The following DOP1B variants were observed in gnomAD, a reference collection of about 807,000 sequenced individuals.
DOP1B encodes the protein protein DOP1B.
In DOP1B, 174 loss-of-function variants were observed where a neutral mutation model predicts 233.5. That is an observed-to-expected ratio of 0.75 (90% CI 0.66 to 0.85). DOP1B has a LOEUF of 0.85. Among genes scored for constraint, DOP1B ranks in the 40% least tolerant of loss-of-function variants. The probability of loss-of-function intolerance (pLI) is 0.00; values close to 1 mark genes in which losing one functional copy is unlikely to be tolerated. For synonymous variants in DOP1B, 1,190 were observed against 1,185.6 expected (o/e 1.00, Z -0.08); for missense variants, 2,652 against 2,846.6 (o/e 0.93, Z 1.56).
intron 27 of DOP1B, among the ~76,000 whole-genome samples, chr21:36,274,962 AGCC>A (rs78516864): frequency 0.41 from 62,515 of 151,520 alleles, 12,947 homozygotes; most frequent in Middle Eastern, 0.5. Context: ...CTTCTGCCTC[AGCC>A]TCCCAAGTAG....
Position 36,231,038 on chromosome 21 carries a change from G to A in DOP1B, c.2254G>A (p.Ala752Thr), listed in dbSNP as rs768576763. ...SREERREAFA[A>T]ACHLLLDCAT... ...GGAGGAACGCAGGGAGGCCTTTGCC[G>A]CCGCCTGCCACCTGCTGCTGGATTG... Residue 752 changes from alanine to threonine, a missense_variant, in exon 14 of 37, where the codon GCC (alanine) becomes ACC (threonine). Physicochemically the swap from Ala to Thr is moderately conservative, Grantham distance 58. Around this residue, in one of 3 missense-constraint regions of DOP1B, gnomAD observed 2,617 missense variants for 2,794.3 expected, o/e 0.94. Transcript: ENST00000691173. 45 of 1,613,990 alleles carry A rather than the reference G, an allele frequency of 2.8e-5. No individual in the cohort carries two copies. Among genetic ancestry groups the A allele is most frequent in the South Asian group, 7.7e-5 (7 of 91,082 alleles).
At chr21:36,241,368 A>G (rs960258228) in intron 18 of DOP1B, among the ~76,000 whole-genome samples, 2 of 152,100 alleles carry the variant, frequency 1.3e-5, no homozygotes, top group Non-Finnish European at 2.9e-5. Context: ...TTATAAGCTA[A>G]CGCTGTTCGA....
chr21:36,240,409 G>A (rs1469801374), intron 18 of DOP1B, among the ~76,000 whole-genome samples: 1 of 152,188 alleles, frequency 6.6e-6, no homozygotes, highest in Non-Finnish European at 1.5e-5. Context: ...GAACCCGGGA[G>A]GTAGAGATTG....
Position 36,227,807 on chromosome 21 carries a change from G to C in DOP1B, c.1595G>C (p.Cys532Ser), listed in dbSNP as rs763223486. ...GAACTCACGCATGCCTTGAAGACGT[G>C]TTTCAAGGTGCTCAGCAAAGTCCAG... Reference protein sequence around the residue: ...LPELTHALKTCFKVLSKVQMP... With the variant: ...LPELTHALKTSFKVLSKVQMP... Residue 532 changes from cysteine to serine, a missense_variant, in exon 13 of 37, where the codon TGT becomes TCT. Physicochemically the swap from Cys to Ser is moderately radical, Grantham distance 112. This residue lies in a region of DOP1B where 2,617 missense variants were observed against 2,794.3 expected (regional missense o/e 0.94). Coordinates refer to ENST00000691173, the MANE Select transcript of DOP1B (RefSeq NM_001320714.2). 16 of 1,613,678 alleles carry C rather than the reference G, an allele frequency of 9.9e-6. No individual in the cohort carries two copies. The South Asian group carries it at 1.6e-4, about 17-fold the overall frequency.
rs188777016 is a variant in DOP1B, at chr21:36,241,887, G to A, written c.3067+1932G>A. On this transcript the variant is annotated intron_variant, in intron 18 of 36. Coordinates refer to ENST00000691173, the MANE Select transcript of DOP1B (RefSeq NM_001320714.2). The stretch of plus-strand genomic sequence containing the variant: ...GAAAAGCAACCCATTAGCTAAGTAA[G>A]CAGAGGTGTGTGAAATGGTTTCCTG... Among the ~76,000 whole-genome samples, 11 of 150,856 alleles carry A rather than the reference G, an allele frequency of 7.3e-5. No individual in the cohort carries two copies. The East Asian group carries it at 1.2e-3, about 16-fold the overall frequency.
At chr21:36,208,946 A>T (rs200949348) in intron 5 of DOP1B, 42 bp downstream of exon 5, 1 of 1,462,048 alleles carries the variant, frequency 6.8e-7, no homozygotes, top group Non-Finnish European at 9.0e-7. Flanking sequence ...AGGAGGCGAC[A>T]TGTGGGCACA....
At chr21:36,277,454 T>C (rs2067364770) in intron 28 of DOP1B, among the ~76,000 whole-genome samples, 1 of 151,430 alleles carries the variant, frequency 6.6e-6, no homozygotes, top group African/African-American at 2.4e-5. Flanking sequence ...AGCTAGTTTT[T>C]AGTATTTTAG....
chr21:36,163,448 A>C (rs757195683), intron 1 of DOP1B, among the ~76,000 whole-genome samples: 3 of 151,924 alleles, frequency 2.0e-5, no homozygotes, highest in Non-Finnish European at 2.9e-5. Flanking sequence ...TGAAATTTTT[A>C]TAACTGTACT....
At chr21:36,284,716 G>A (rs1300208379) in intron 32 of DOP1B, among the ~76,000 whole-genome samples, 5 of 151,956 alleles carry the variant, frequency 3.3e-5, no homozygotes, top group Admixed American at 1.3e-4. Context: ...TGGAGAATTT[G>A]ACCATGGTAG....
intron 13 of DOP1B, among the ~76,000 whole-genome samples, 180 bp from the exon 14 acceptor site, chr21:36,230,270 G>A (rs1222515283): frequency 1.3e-5 from 2 of 152,142 alleles, no homozygotes; most frequent in Non-Finnish European, 2.9e-5. Flanking sequence ...GCTACCCACC[G>A]CTCTCCTTCT....
chr21:36,210,272 CCTGAGGCAGGTGAATCA>C (rs1225252970), intron 5 of DOP1B, among the ~76,000 whole-genome samples: 1 of 152,040 alleles, frequency 6.6e-6, no homozygotes, highest in Non-Finnish European at 1.5e-5. Flanking sequence ...CTTTGGGAGC[CCTGAGGCAGGTGAATCA>C]CTTGAGGTCA....
rs538751385 is a variant in DOP1B, at chr21:36,210,328, A to G, written c.682-1225A>G. Among the ~76,000 whole-genome samples the G allele has an allele frequency of 1.4e-4, 22 of 152,036 alleles. 1 individual carries two copies. Among genetic ancestry groups the G allele is most frequent in the African/African-American group, 4.3e-4 (18 of 41,478 alleles). ...GGTCAAGAGCAGCCGGGCCAACATGATGAAACCCCACGTTTATTAAAAATA... is the reference window on the plus strand; with the variant it reads ...GGTCAAGAGCAGCCGGGCCAACATGGTGAAACCCCACGTTTATTAAAAATA... On this transcript the variant is annotated intron_variant, in intron 5 of 36. Transcript: ENST00000691173.
intron 14 of DOP1B, among the ~76,000 whole-genome samples, chr21:36,232,187 T>G (rs1361366658): frequency 6.6e-6 from 1 of 151,852 alleles, no homozygotes; most frequent in Non-Finnish European, 1.5e-5. Flanking sequence ...TTCACCATGT[T>G]GGCCAGGCTG....
Position 36,292,116 on chromosome 21 carries a change from AT to A in DOP1B, c.6531del (p.Phe2177LeufsTer16), listed in dbSNP as rs2067565891. 1 of 1,602,288 alleles carries A rather than the reference AT, an allele frequency of 6.2e-7. No homozygotes were observed. Among genetic ancestry groups the A allele is most frequent in the Admixed American group, 1.8e-5 (1 of 56,694 alleles). On this transcript the variant is annotated frameshift_variant, in exon 36 of 37. Transcript: ENST00000691173. LOFTEE classifies it high-confidence loss of function. ...MPLFQIYRWAFIPEVDTEGPA... is the reference protein window; with the variant it reads ...MPLFQIYRWAXIPEVDTEGPA... ...TTGTTCCCTGCAGTTATAGGTGGGC[AT>A]TTATTCCAGAAGTGGACACAGAGGG...
chr21:36,217,011 G>A (rs2066567233), intron 9 of DOP1B, among the ~76,000 whole-genome samples: 1 of 150,746 alleles, frequency 6.6e-6, no homozygotes, highest in Non-Finnish European at 1.5e-5. Flanking sequence ...GGAGGCAGAG[G>A]TTGCAGTGAG....
chr21:36,277,897 C>T, intron 28 of DOP1B, 78 bp from the exon 29 acceptor site: 3 of 1,172,676 alleles, frequency 2.6e-6, no homozygotes, highest in Non-Finnish European at 3.8e-6. Flanking sequence ...CCTCCTCAGC[C>T]TCCCGAAGTG....
At chr21:36,191,017 G>T (rs991235576) in intron 2 of DOP1B, among the ~76,000 whole-genome samples, 19 of 152,164 alleles carry the variant, frequency 1.2e-4, no homozygotes, top group African/African-American at 4.6e-4. Context: ...CACCAAGACC[G>T]ACCATGAGGG....
intron 23 of DOP1B, among the ~76,000 whole-genome samples, chr21:36,258,270 C>G (rs2067130574): frequency 6.6e-6 from 1 of 152,092 alleles, no homozygotes; most frequent in Non-Finnish European, 1.5e-5. Context: ...ATTAGCCAGG[C>G]ATGGTATGCA....
Position 36,263,661 on chromosome 21 carries a change from A to G in DOP1B, c.5420+11A>G, listed in dbSNP as rs772596040. 30 of 1,613,418 alleles carry G rather than the reference A, an allele frequency of 1.9e-5. No individual in the cohort carries two copies. The South Asian group carries it at 3.2e-4, about 17-fold the overall frequency. Reference sequence around the variant, plus strand: ...TTTTCTGCTTCTCAGGTATCATGTCACCACATTGTCATTGTGTAATATTTT... The same window carrying G: ...TTTTCTGCTTCTCAGGTATCATGTCGCCACATTGTCATTGTGTAATATTTT... On this transcript the variant is annotated intron_variant, in intron 25 of 36. Transcript: ENST00000691173.
Sources: gnomAD v4.1 joint callset for allele counts (sites outside exome capture counted in the v4.1 genomes callset) on GRCh38, gnomAD v4.1.1 for gene constraint, gnomAD v4.1.1 regional missense constraint, MANE v1.5 for transcripts, NCBI Gene and HGNC (gene_info 2026-07-23, HGNC 2026-07-21) for gene names.